The following LAMA3 variants were observed in gnomAD, a reference collection of about 807,000 sequenced individuals.
LAMA3 encodes laminin subunit alpha 3.
LAMA3 carries 281 observed loss-of-function variants against 402.0 expected under a neutral mutation model. That is an observed-to-expected ratio of 0.70 (90% CI 0.63 to 0.77). LAMA3 has a LOEUF of 0.77. LAMA3 is among the 30% of genes least tolerant of loss of function. The pLI, the probability that LAMA3 is intolerant of heterozygous loss-of-function variation, is 0.00. For synonymous variants in LAMA3, 1,431 were observed against 1,558.4 expected (o/e 0.92, Z 1.93); for missense variants, 3,840 against 4,215.5 (o/e 0.91, Z 2.47).
chr18:23,951,921 A>C (rs1599189791), intron 73 of LAMA3, 144 bp downstream of exon 73: 1 of 686,402 alleles, frequency 1.5e-6, no homozygotes. Flanking sequence ...TCCATTCACA[A>C]CCCCAGCCAT....
At chr18:23,885,374 C>T (rs1256535940) in intron 41 of LAMA3, among the ~76,000 whole-genome samples, 1 of 145,576 alleles carries the variant, frequency 6.9e-6, no homozygotes, top group African/African-American at 2.5e-5. Flanking sequence ...CCTCTATCCC[C>T]ACACTATATT....
At position 23,861,652 on chromosome 18, in the gene LAMA3, G is replaced by A; in HGVS notation, c.4429G>A (p.Asp1477Asn). 1.2e-6 allele frequency: 2 copies of A among 1,614,168 alleles called. No homozygotes were observed. The highest frequency in any genetic ancestry group is 1.7e-6 in the Non-Finnish European group (2 of 1,180,024). The change falls in exon 35 of 75, where the codon GAT becomes AAT. Residue 1477 changes from aspartate to asparagine, a missense_variant. Asp to Asn is a conservative substitution (Grantham distance 23). Transcript: ENST00000313654. ...SSHKRRTKFVDMLGWHLETAD... is the reference protein window; with the variant it reads ...SSHKRRTKFVNMLGWHLETAD... ...CTTCTCTCCCTCTTTCCAGTTTGTG[G>A]ATATGCTGGGCTGGCACCTGGAGAC...
At position 23,928,187 on chromosome 18, in the gene LAMA3, G is replaced by A. The variant is rs148548958; in HGVS notation, c.8242G>A (p.Val2748Ile). The A allele has an allele frequency of 4.8e-5, 78 of 1,614,080 alleles. No individual in the cohort carries two copies. The African/African-American group carries it at 8.5e-4, about 18-fold the overall frequency. Residue 2748 changes from valine (V) to isoleucine (I), a missense_variant, in exon 63 of 75, where the codon GTT (valine) becomes ATT (isoleucine). Around this residue, in one of 3 missense-constraint regions of LAMA3, gnomAD observed 840 missense variants for 981.9 expected, o/e 0.86. Transcript: ENST00000313654. The part of the protein sequence containing the change: ...MKNLKKTSGV[V>I]RLNDTVGVTK... Reference sequence around the variant, plus strand: ...AAATTTGAAGAAAACCAGTGGTGTCGTTAGATTGAATGATACTGTGGGAGT... The same window carrying A: ...AAATTTGAAGAAAACCAGTGGTGTCATTAGATTGAATGATACTGTGGGAGT...
At position 23,899,051 on chromosome 18, in the gene LAMA3, T is replaced by C. The variant is rs1333847641; in HGVS notation, c.5822T>C (p.Ile1941Thr). 4 of 1,612,992 alleles carry C rather than the reference T, an allele frequency of 2.5e-6. No individual in the cohort carries two copies. The African/African-American group carries it at 5.3e-5, about 22-fold the overall frequency. Residue 1941 changes from isoleucine to threonine, a missense_variant, in exon 46 of 75, where the codon ATC (isoleucine) becomes ACC (threonine). This residue lies in a region of LAMA3 where 891 missense variants were observed against 857.5 expected (regional missense o/e 1.04). Coordinates refer to ENST00000313654, the MANE Select transcript of LAMA3 (RefSeq NM_198129.4). ...CTGGATGTGAAGATTAAAAATGTCATCCGGAATGTGCACAGTAAGAAGAGT... is the reference window on the plus strand; with the variant it reads ...CTGGATGTGAAGATTAAAAATGTCACCCGGAATGTGCACAGTAAGAAGAGT... Reference protein sequence around the residue: ...KELDVKIKNVIRNVHILLKQI... With the variant: ...KELDVKIKNVTRNVHILLKQI...
Position 23,876,361 on chromosome 18 carries a change from G to C in LAMA3, c.5066G>C (p.Cys1689Ser). ...LYTGRCVPCN[C>S]NGHSNQCQDG... ...ACCGGACGGTGTGTTCCCTGCAATT[G>C]CAACGGACATTCAAATCAATGCCAG... The change falls in exon 39 of 75, where the codon TGC becomes TCC. Residue 1689 changes from cysteine (C) to serine (S), a missense_variant. Physicochemically the swap from Cys to Ser is moderately radical, Grantham distance 112. Transcript: ENST00000313654. 6.2e-7 allele frequency: 1 copy of C among 1,614,066 alleles called. No homozygotes were observed. Among genetic ancestry groups the C allele is most frequent in the Non-Finnish European group, 8.5e-7 (1 of 1,179,908 alleles).
chr18:23,698,264 T>G (rs1004532099), intron 1 of LAMA3, among the ~76,000 whole-genome samples: 3 of 148,292 alleles, frequency 2.0e-5, no homozygotes, highest in African/African-American at 7.5e-5. Flanking sequence ...TGGAGTGCAG[T>G]GGCGCGATCT....
intron 68 of LAMA3, among the ~76,000 whole-genome samples, chr18:23,941,214 G>C (rs1445193461): frequency 6.6e-6 from 1 of 151,906 alleles, no homozygotes; most frequent in Non-Finnish European, 1.5e-5. Flanking sequence ...GGGATTACAG[G>C]CGTGAGCCAC....
intron 36 of LAMA3, among the ~76,000 whole-genome samples, chr18:23,867,551 C>T (rs182577230): frequency 4.5e-4 from 25 of 55,624 alleles, no homozygotes; most frequent in Middle Eastern, 0.022. Flanking sequence ...TCCATCCCTG[C>T]CAAAAAAAAA....
chr18:23,738,844 T>G (rs1360809215), intron 2 of LAMA3, among the ~76,000 whole-genome samples: 1 of 152,222 alleles, frequency 6.6e-6, no homozygotes, highest in African/African-American at 2.4e-5. Context: ...GAAGGAATCA[T>G]GCAATTCACT....
chr18:23,948,916 T>C (rs2082805420), intron 70 of LAMA3, among the ~76,000 whole-genome samples: 1 of 152,216 alleles, frequency 6.6e-6, no homozygotes, highest in Non-Finnish European at 1.5e-5. Flanking sequence ...ATGTCTGACT[T>C]GTAGGATTCC....
At position 23,784,023 on chromosome 18, in the gene LAMA3, G is replaced by A. The variant is rs2062489816; in HGVS notation, c.1469G>A (p.Gly490Glu). 6.2e-7 allele frequency: 1 copy of A among 1,613,968 alleles called. No homozygotes were observed. The highest frequency in any genetic ancestry group is 1.7e-5 in the Admixed American group (1 of 59,998). ...SEDPVAGDIK[G>E]CDCNLEGVLP... ...TCTGAAAGTTTCCTGTCTTCTGCAG[G>A]GTGTGACTGTAATCTGGAAGGTGTT... Residue 490 changes from glycine to glutamate, a missense_variant and splice_region_variant, in exon 12 of 75, where the codon GGG (glycine) becomes GAG (glutamate). Gly to Glu is a moderately conservative substitution (Grantham distance 98, BLOSUM62 -2). Around this residue, in one of 3 missense-constraint regions of LAMA3, gnomAD observed 2,109 missense variants for 2,376.0 expected, o/e 0.89. Coordinates refer to ENST00000313654, the MANE Select transcript of LAMA3 (RefSeq NM_198129.4).
intron 44 of LAMA3, among the ~76,000 whole-genome samples, chr18:23,895,643 A>G (rs1464895238): frequency 6.6e-6 from 1 of 152,214 alleles, no homozygotes; most frequent in African/African-American, 2.4e-5. Flanking sequence ...GTCTATAAAG[A>G]TGCCTTCTTA....
At chr18:23,884,494 G>C (rs1020260707) in intron 40 of LAMA3, among the ~76,000 whole-genome samples, 2 of 152,068 alleles carry the variant, frequency 1.3e-5, no homozygotes, top group Non-Finnish European at 2.9e-5. Context: ...CTTCCAAAGT[G>C]AGTTACTCTG....
intron 68 of LAMA3, among the ~76,000 whole-genome samples, chr18:23,941,332 C>CG (rs1172169242): frequency 5.7e-5 from 8 of 141,266 alleles, no homozygotes; most frequent in Non-Finnish European, 1.1e-4. Flanking sequence ...TGGCGCCCCC[C>CG]CCCCGCCCGG....
chr18:23,762,631 C>T (rs997419486), intron 7 of LAMA3, among the ~76,000 whole-genome samples: 1 of 151,856 alleles, frequency 6.6e-6, no homozygotes, highest in African/African-American at 2.4e-5. Flanking sequence ...GATAGCTGCC[C>T]CGACACACTT....
rs150318160 is a variant in LAMA3 at position 23,902,248 on chromosome 18, C to T, written c.6202-761C>T. On this transcript the variant is annotated intron_variant, in intron 48 of 74. Transcript: ENST00000313654. ...GGCTGAGGTGGAAGGATCGCTTGAA[C>T]ACACTGGTGGGTTGGGAGCAAGGCT... 1.4e-3 allele frequency among the ~76,000 whole-genome samples: 211 copies of T among 152,100 alleles called. 1 individual carries two copies. The highest frequency in any genetic ancestry group is 4.8e-3 in the African/African-American group (201 of 41,480).
chr18:23,708,532 T>A (rs537651206), intron 1 of LAMA3, among the ~76,000 whole-genome samples: 1 of 152,304 alleles, frequency 6.6e-6, no homozygotes, highest in East Asian at 1.9e-4. Flanking sequence ...CTGTTTAAAA[T>A]TTTTATTTGT....
At chr18:23,824,312 T>G (rs1184757081) in intron 20 of LAMA3, 111 bp from the exon 21 acceptor site, 8 of 1,055,570 alleles carry the variant, frequency 7.6e-6, no homozygotes, top group Non-Finnish European at 1.2e-5. Flanking sequence ...GATCAGTACA[T>G]ATCATCTTAA....
chr18:23,756,241 CCT>C (rs2061840035), intron 6 of LAMA3, among the ~76,000 whole-genome samples: 1 of 152,052 alleles, frequency 6.6e-6, no homozygotes, highest in Non-Finnish European at 1.5e-5. Context: ...CGCCACCTTC[CCT>C]TAGAGTAGAG....
Sources: gnomAD v4.1 joint callset for allele counts (sites outside exome capture counted in the v4.1 genomes callset) on GRCh38, gnomAD v4.1.1 for gene constraint, gnomAD v4.1.1 regional missense constraint, MANE v1.5 for transcripts, NCBI Gene and HGNC (gene_info 2026-07-23, HGNC 2026-07-21) for gene names.